Variants in NEMP2 observed in about 807,000 individuals in gnomAD.
NEMP2 encodes UPF0571 transmembrane protein.
NEMP2 carries 53 observed loss-of-function variants against 54.2 expected under a neutral mutation model. The observed-to-expected ratio is 0.98, with a 90% CI of 0.78 to 1.23. The LOEUF (loss-of-function observed/expected upper bound fraction) is 1.23. Ranked by LOEUF, NEMP2 falls within the 50% of genes most tolerant of loss-of-function variation. The pLI is 0.00. For missense variants in NEMP2, 455 were observed against 511.3 expected (o/e 0.89, Z 1.06); for synonymous variants, 197 against 190.3 (o/e 1.04, Z -0.29).
chr2:190,587,593 G>A, the NEMP2 span, among the ~76,000 whole-genome samples: 1 of 152,152 alleles, frequency 6.6e-6, no homozygotes, highest in South Asian at 2.1e-4. The surrounding 1 kb of genome is among the most constrained non-coding windows in gnomAD (Gnocchi z 5.4). Flanking sequence ...CAAAGACATG[G>A]CTTTCTGGAA....
At chr2:190,586,573 T>G in the NEMP2 span, among the ~76,000 whole-genome samples, 1 of 152,146 alleles carries the variant, frequency 6.6e-6, no homozygotes, top group Non-Finnish European at 1.5e-5. The surrounding 1 kb of genome is among the most constrained non-coding windows in gnomAD (Gnocchi z 4.5). Context: ...AAAACAAAAC[T>G]TTCAGTTTTG....
the NEMP2 span, among the ~76,000 whole-genome samples, chr2:190,468,340 C>T: frequency 6.6e-6 from 1 of 151,908 alleles, no homozygotes; most frequent in Non-Finnish European, 1.5e-5. Context: ...TCTTTTTTGT[C>T]TTTTCTTCAT....
chr2:190,446,762 T>TC, the NEMP2 span, among the ~76,000 whole-genome samples: 1 of 152,194 alleles, frequency 6.6e-6, no homozygotes, highest in African/African-American at 2.4e-5. Flanking sequence ...CTGGTGGGAA[T>TC]ACAAGAGATG....
chr2:190,425,059 G>A, the NEMP2 span, among the ~76,000 whole-genome samples: 1 of 152,086 alleles, frequency 6.6e-6, no homozygotes, highest in Non-Finnish European at 1.5e-5. The surrounding 1 kb of genome is among the most constrained non-coding windows in gnomAD (Gnocchi z 4.3). Context: ...TCAGCATAAG[G>A]CCTTGTACAC....
chr2:190,611,774 T>C, the NEMP2 span, among the ~76,000 whole-genome samples: 5 of 152,256 alleles, frequency 3.3e-5, no homozygotes, highest in Non-Finnish European at 7.3e-5. The surrounding 1 kb of genome is among the most constrained non-coding windows in gnomAD (Gnocchi z 5.4). Context: ...GCATGTAAAC[T>C]GTTTCTTCAA....
chr2:190,432,171 A>G, the NEMP2 span, among the ~76,000 whole-genome samples: 5 of 152,328 alleles, frequency 3.3e-5, no homozygotes, highest in Middle Eastern at 3.4e-3. Context: ...AGAGGTTTCA[A>G]TATAAGCATC....
the NEMP2 span, among the ~76,000 whole-genome samples, chr2:190,548,378 C>T: frequency 6.6e-6 from 1 of 152,140 alleles, no homozygotes; most frequent in Non-Finnish European, 1.5e-5. Flanking sequence ...AGGGCCAGAC[C>T]TAAGTAATGA....
the NEMP2 span, among the ~76,000 whole-genome samples, chr2:190,592,433 GGAT>G: frequency 6.6e-6 from 1 of 152,186 alleles, no homozygotes; most frequent in Admixed American, 6.5e-5. This position sits in a 1 kb window ranked among gnomAD's most constrained non-coding sequence, Gnocchi z 4.4. Context: ...CTCTTTAAGG[GGAT>G]GCAAGGCAGA....
chr2:190,600,840 C>T, the NEMP2 span, among the ~76,000 whole-genome samples: 1 of 152,092 alleles, frequency 6.6e-6, no homozygotes, highest in African/African-American at 2.4e-5. This position sits in a 1 kb window ranked among gnomAD's most constrained non-coding sequence, Gnocchi z 4.9. Context: ...CAGACTCAGA[C>T]AGTGCAGGAA....
the NEMP2 span, among the ~76,000 whole-genome samples, chr2:190,482,508 T>C: frequency 3.3e-5 from 5 of 152,074 alleles, no homozygotes; most frequent in East Asian, 9.6e-4. Context: ...GGGATAGTTA[T>C]GTTTTGTTCA....
the NEMP2 span, chr2:190,626,410 G>T: frequency 6.6e-6 from 1 of 152,088 alleles, no homozygotes; most frequent in Non-Finnish European, 1.5e-5. This position sits in a 1 kb window ranked among gnomAD's most constrained non-coding sequence, Gnocchi z 4.5. Flanking sequence ...ACATTTAAAT[G>T]TACCCTGAGG....
chr2:190,591,123 TC>T, the NEMP2 span, among the ~76,000 whole-genome samples: 3 of 152,196 alleles, frequency 2.0e-5, no homozygotes, highest in Middle Eastern at 3.4e-3. This position sits in a 1 kb window ranked among gnomAD's most constrained non-coding sequence, Gnocchi z 5.4. Flanking sequence ...CACTATTTGT[TC>T]CCCCCTTGTA....
chr2:190,509,122 CTT>C lies in NEMP2; in HGVS notation c.*65_*66del. On this transcript the variant is annotated 3_prime_UTR_variant, in exon 9 of 9. Coordinates refer to ENST00000409150, the MANE Select transcript of NEMP2 (RefSeq NM_001142645.2). This position sits in a 1 kb window ranked among gnomAD's most constrained non-coding sequence, Gnocchi z 6.1. ...CGTTCACTAGAACAGTTCTGCCTAA[CTT>C]TAATAGAATCCCTGCCCTTTGCCCA... is the stretch of plus-strand genomic sequence containing the variant. The C allele has an allele frequency of 6.5e-7, 1 of 1,539,426 alleles. No homozygotes were observed. The highest frequency in any genetic ancestry group is 2.0e-5 in the Admixed American group (1 of 49,116).
the NEMP2 span, among the ~76,000 whole-genome samples, chr2:190,549,326 T>C: frequency 1.3e-5 from 2 of 152,248 alleles, no homozygotes; most frequent in East Asian, 1.9e-4. Context: ...CACTAATTCA[T>C]TGGAGGTTGC....
the NEMP2 span, among the ~76,000 whole-genome samples, chr2:190,554,819 G>A: frequency 6.6e-6 from 1 of 152,226 alleles, no homozygotes; most frequent in Non-Finnish European, 1.5e-5. This position sits in a 1 kb window ranked among gnomAD's most constrained non-coding sequence, Gnocchi z 5.7. Flanking sequence ...AAGGGACAGT[G>A]TGCCTCCTCA....
At chr2:190,598,122 T>C in the NEMP2 span, among the ~76,000 whole-genome samples, 1 of 152,042 alleles carries the variant, frequency 6.6e-6, no homozygotes, top group Non-Finnish European at 1.5e-5. Flanking sequence ...GCACCTTCCC[T>C]CTCTCCCTAC....
chr2:190,593,612 C>T, the NEMP2 span, among the ~76,000 whole-genome samples: 1 of 152,122 alleles, frequency 6.6e-6, no homozygotes, highest in East Asian at 1.9e-4. This position sits in a 1 kb window ranked among gnomAD's most constrained non-coding sequence, Gnocchi z 4.5. Context: ...AACCAAATGG[C>T]CATGTGTCTA....
upstream of NEMP2, among the ~76,000 whole-genome samples, chr2:190,537,992 G>A: frequency 6.6e-6 from 1 of 152,096 alleles, no homozygotes. Flanking sequence ...CTTTTATACT[G>A]AGCAGGATTA....
At chr2:190,604,242 T>C in the NEMP2 span, among the ~76,000 whole-genome samples, 1 of 152,280 alleles carries the variant, frequency 6.6e-6, no homozygotes, top group Middle Eastern at 3.4e-3. This position sits in a 1 kb window ranked among gnomAD's most constrained non-coding sequence, Gnocchi z 4.5. Context: ...AACAGTACAA[T>C]GATTTCATCC....
Sources: gnomAD v4.1 joint callset for allele counts (sites outside exome capture counted in the v4.1 genomes callset) on GRCh38, gnomAD v4.1.1 for gene constraint, Gnocchi (gnomAD v3.1) non-coding constraint, MANE v1.5 for transcripts, NCBI Gene and HGNC (gene_info 2026-07-23, HGNC 2026-07-21) for gene names.